Variants in SLC45A3 observed in about 807,000 individuals in gnomAD.
The protein encoded by SLC45A3 is prostate cancer associated protein 2.
In SLC45A3, 17 loss-of-function variants were observed where a neutral mutation model predicts 35.3. That is an observed-to-expected ratio of 0.48 (90% confidence interval 0.33 to 0.72). The LOEUF is 0.72. SLC45A3 is among the 30% of genes least tolerant of loss of function. The pLI, the probability that SLC45A3 is intolerant of heterozygous loss-of-function variation, is 0.02. For missense variants in SLC45A3, 597 were observed against 731.7 expected, an observed-to-expected ratio of 0.82 and a Z score of 2.12; for synonymous variants, 288 against 334.3, an observed-to-expected ratio of 0.86 and a Z score of 1.51.
chr1:205,661,733 GCTT>G, intron 4 of SLC45A3, 125 bp downstream of exon 4: 1 of 1,364,188 alleles, frequency 7.3e-7, no homozygotes, highest in East Asian at 2.4e-5. Context: ...GCTAGGATAA[GCTT>G]CTTCTCTGAT....
chr1:205,658,626 A>G lies in SLC45A3; in HGVS notation c.*608T>C, dbSNP rs1670962886. On this transcript the variant is annotated 3_prime_UTR_variant, in exon 5 of 5. Transcript: ENST00000367145. Reference sequence around the variant, plus strand: ...GGCAACAGAAGGACCAACAGGCCACATCCTGATAAAAGGTAAGAGGGGGGT... The same window carrying G: ...GGCAACAGAAGGACCAACAGGCCACGTCCTGATAAAAGGTAAGAGGGGGGT... 8.6e-6 allele frequency: 2 copies of G among 233,412 alleles called. No homozygotes were observed. Among genetic ancestry groups the G allele is most frequent in the East Asian group, 1.2e-4 (2 of 16,534 alleles). 14.5% of individuals were successfully genotyped at this position (233,412 alleles called of 1,614,324 possible). A position where few individuals can be genotyped will look rare whatever the true frequency, so the allele number is the denominator to read the frequency against.
At chr1:205,670,834 GC>G (rs1400236927) in intron 1 of SLC45A3, among the ~76,000 whole-genome samples, 2 of 152,288 alleles carry the variant, frequency 1.3e-5, no homozygotes, top group East Asian at 1.9e-4. Context: ...CGGCTCCTGA[GC>G]CCGTCACTTC....
rs370721708 is a variant in SLC45A3, at chr1:205,663,125, C to G, written c.666G>C (p.Ala222=). 1.3e-6 allele frequency: 2 copies of G among 1,583,876 alleles called. No individual in the cohort carries two copies. The highest frequency in any genetic ancestry group is 2.7e-5 in the African/African-American group (2 of 74,640). The stretch of plus-strand genomic sequence containing the variant: ...CTTCTGCTGGCTCGGTGGGGCCCAG[C>G]GCTGCCTCCTCAGCCACCAGCAGTG... ...AATLLVAEEA[A]LGPTEPAEGL... Residue 222 remains alanine (A), a synonymous_variant, in exon 3 of 5, where the codon GCG becomes GCC. Transcript: ENST00000367145.
chr1:205,675,193 A>C (rs958742031), intron 1 of SLC45A3, among the ~76,000 whole-genome samples: 2 of 151,934 alleles, frequency 1.3e-5, no homozygotes, highest in Non-Finnish European at 2.9e-5. Context: ...ATGGGGTAGG[A>C]CCCCTCTGCA....
intron 1 of SLC45A3, among the ~76,000 whole-genome samples, chr1:205,677,527 A>G (rs538551937): frequency 2.0e-5 from 3 of 152,348 alleles, no homozygotes; most frequent in African/African-American, 4.8e-5. Context: ...CATTTTACAG[A>G]GGAGGAAGTT....
At chr1:205,675,034 C>T (rs576040054) in intron 1 of SLC45A3, among the ~76,000 whole-genome samples, 37 of 152,290 alleles carry the variant, frequency 2.4e-4, no homozygotes, top group Middle Eastern at 6.8e-3. Flanking sequence ...CATTTTTATG[C>T]TTAGGTTTGA....
Position 205,659,194 on chromosome 1 carries a change from C to T in SLC45A3, c.*40G>A. 4 of 1,561,194 alleles carry T rather than the reference C, an allele frequency of 2.6e-6. No homozygotes were observed. Among genetic ancestry groups the T allele is most frequent in the Non-Finnish European group, 3.5e-6 (4 of 1,149,854 alleles). ...CTAACAGGAGCGGGGAGCTGGGACC[C>T]AGTGAGGCAGGCCCTCCACCCCAAT... On this transcript the variant is annotated 3_prime_UTR_variant, in exon 5 of 5. Coordinates refer to ENST00000367145, the MANE Select transcript of SLC45A3 (RefSeq NM_033102.3). This position sits in a 1 kb window ranked among gnomAD's most constrained non-coding sequence, Gnocchi z 5.8.
Position 205,663,409 on chromosome 1 carries a change from C to G in SLC45A3, c.382G>C (p.Gly128Arg). The G allele has an allele frequency of 6.2e-7, 1 of 1,613,220 alleles. No homozygotes were observed. The highest frequency in any genetic ancestry group is 8.5e-7 in the Non-Finnish European group (1 of 1,179,906). The stretch of plus-strand genomic sequence containing the variant: ...CCACAGAAGTCCAGCAGCCCCACGC[C>G]CAGGATGAGCAGTGCCAGCTCCAGG... Reference protein sequence around the residue: ...RPLELALLILGVGLLDFCGQV... With the variant: ...RPLELALLILRVGLLDFCGQV... The change falls in exon 3 of 5, where the codon GGC (glycine) becomes CGC (arginine). Residue 128 changes from glycine (G) to arginine (R), a missense_variant. This residue lies in a region of SLC45A3 where 555 missense variants were observed against 664.9 expected (regional missense o/e 0.83). Coordinates refer to ENST00000367145, the MANE Select transcript of SLC45A3 (RefSeq NM_033102.3).
At position 205,669,198 on chromosome 1, in the gene SLC45A3, C is replaced by A. The variant is rs532848948; in HGVS notation, c.-230-4312G>T. Among the ~76,000 whole-genome samples, 3 of 152,298 alleles carry A rather than the reference C, an allele frequency of 2.0e-5. No individual in the cohort carries two copies. In the East Asian group the frequency reaches 5.8e-4, roughly 29 times the overall value. Reference sequence around the variant, plus strand: ...CTCCAGAGGGAGCAGCTCCTATGGGCTCAAAGGTGGTGAGTGGCTCAGATA... The same window carrying A: ...CTCCAGAGGGAGCAGCTCCTATGGGATCAAAGGTGGTGAGTGGCTCAGATA... On this transcript the variant is annotated intron_variant, in intron 1 of 4. Transcript: ENST00000367145. This position sits in a 1 kb window ranked among gnomAD's most constrained non-coding sequence, Gnocchi z 4.1.
rs1350827730 is a variant in SLC45A3 at position 205,658,099 on chromosome 1, TTG to T, written c.*1133_*1134del. 1.8e-5 allele frequency: 4 copies of T among 228,176 alleles called. No individual in the cohort carries two copies. The highest frequency in any genetic ancestry group is 3.5e-5 in the Non-Finnish European group (4 of 115,000). The allele number at this position is 228,176 out of a possible 1,614,324, so 14.1% of individuals were successfully genotyped here. On this transcript the variant is annotated 3_prime_UTR_variant, in exon 5 of 5. Transcript: ENST00000367145. ...GGACAAAGGCTTGGGAAACCGCACT[TTG>T]TGCTTCTGGTCCTGCAGTAGCTCCA...
Position 205,669,668 on chromosome 1 carries a change from G to A in SLC45A3, c.-230-4782C>T, listed in dbSNP as rs938293090. Among the ~76,000 whole-genome samples the A allele has an allele frequency of 2.0e-5, 3 of 152,256 alleles. No homozygotes were observed. The highest frequency in any genetic ancestry group is 1.9e-4 in the East Asian group (1 of 5,160). On this transcript the variant is annotated intron_variant, in intron 1 of 4. Transcript: ENST00000367145. This position sits in a 1 kb window ranked among gnomAD's most constrained non-coding sequence, Gnocchi z 4.1. ...CCCACCCTGACCCCGCAGGCTCAGC[G>A]ACCCTGCGTGTTCCCTGCACACTCA...
At chr1:205,668,848 C>T (rs769870372) in intron 1 of SLC45A3, among the ~76,000 whole-genome samples, 42 of 152,176 alleles carry the variant, frequency 2.8e-4, no homozygotes, top group Non-Finnish European at 2.6e-4. Context: ...CCTCTGGGAA[C>T]CTTTCTGGAG....
rs1162833811 is a variant in SLC45A3, at chr1:205,664,686, CCGT to C, written c.-33_-31del. 6.2e-7 allele frequency: 1 copy of C among 1,610,834 alleles called. No individual in the cohort carries two copies. The highest frequency in any genetic ancestry group is 1.1e-5 in the South Asian group (1 of 90,782). ...GGCCAGGCGGGTAGGGCTCAGGGGG[CCGT>C]TCAGGCACTCCAGAACTGCTTCGTC... On this transcript the variant is annotated 5_prime_UTR_variant, in exon 2 of 5. Transcript: ENST00000367145. This position sits in a 1 kb window ranked among gnomAD's most constrained non-coding sequence, Gnocchi z 5.3.
intron 1 of SLC45A3, among the ~76,000 whole-genome samples, chr1:205,677,452 T>G (rs1402354392): frequency 6.6e-6 from 1 of 152,252 alleles, no homozygotes; most frequent in Non-Finnish European, 1.5e-5. Context: ...GCTGCTGTGC[T>G]CAGAGCTTTA....
At chr1:205,675,775 T>A (rs551132080) in intron 1 of SLC45A3, among the ~76,000 whole-genome samples, 1 of 152,100 alleles carries the variant, frequency 6.6e-6, no homozygotes, top group East Asian at 1.9e-4. Context: ...CCCCTCCACC[T>A]GAGCCCTGCC....
chr1:205,671,483 T>A (rs1056984967), intron 1 of SLC45A3, among the ~76,000 whole-genome samples: 3 of 152,024 alleles, frequency 2.0e-5, no homozygotes, highest in Non-Finnish European at 4.4e-5. Flanking sequence ...CTGACCTGGG[T>A]TTGCATGCCA....
chr1:205,676,855 G>A lies in SLC45A3; in HGVS notation c.-231+3539C>T, dbSNP rs1202414731. 2.6e-5 allele frequency among the ~76,000 whole-genome samples: 4 copies of A among 152,292 alleles called. 1 individual carries two copies. The Middle Eastern group carries it at 0.01, about 389-fold the overall frequency. Reference sequence around the variant, plus strand: ...CACTCCAGCTCTATTGCTGGGAGTCGAGTGGCATCAGTGTTCAAGACACTG... The same window carrying A: ...CACTCCAGCTCTATTGCTGGGAGTCAAGTGGCATCAGTGTTCAAGACACTG... On this transcript the variant is annotated intron_variant, in intron 1 of 4. Transcript: ENST00000367145.
intron 1 of SLC45A3, among the ~76,000 whole-genome samples, chr1:205,676,156 T>C (rs953224059): frequency 6.6e-6 from 1 of 152,130 alleles, no homozygotes; most frequent in African/African-American, 2.4e-5. Context: ...GGAATCTAAA[T>C]TGCCACATCC....
At position 205,659,445 on chromosome 1, in the gene SLC45A3, G is replaced by A. The variant is rs200659267; in HGVS notation, c.1451C>T (p.Pro484Leu). 196 of 1,613,966 alleles carry A rather than the reference G, an allele frequency of 1.2e-4. 1 individual carries two copies. Among genetic ancestry groups the A allele is most frequent in the East Asian group, 2.2e-4 (10 of 44,886 alleles). Residue 484 changes from proline to leucine, a missense_variant, in exon 5 of 5, where the codon CCG (proline) becomes CTG (leucine). By Grantham distance (98) the Pro-to-Leu change is moderately conservative. Around this residue, in one of 3 missense-constraint regions of SLC45A3, gnomAD observed 555 missense variants for 664.9 expected, o/e 0.83. Transcript: ENST00000367145. The surrounding 1 kb of genome is among the most constrained non-coding windows in gnomAD (Gnocchi z 5.8). ...GAGGTCCAGGCAGATGCCCCGGCCC[G>A]GAACCACCCTGGCCTCGGTGGGCTC... ...VGEPTEARVV[P>L]GRGICLDLAI...
Sources: gnomAD v4.1 joint callset for allele counts (sites outside exome capture counted in the v4.1 genomes callset) on GRCh38, gnomAD v4.1.1 for gene constraint, gnomAD v4.1.1 regional missense constraint, Gnocchi (gnomAD v3.1) non-coding constraint, MANE v1.5 for transcripts, NCBI Gene and HGNC (gene_info 2026-07-23, HGNC 2026-07-21) for gene names.